Variants in LPIN1 observed in about 807,000 individuals in gnomAD.
LPIN1 encodes the protein phosphatidate phosphatase LPIN1.
Under a neutral mutation model 107.5 loss-of-function variants are expected in LPIN1, and 71 were observed. The observed-to-expected ratio is 0.66, with a 90% CI of 0.55 to 0.80. LPIN1 has a LOEUF of 0.80. Among genes scored for constraint, LPIN1 ranks in the 30% least tolerant of loss-of-function variants. The probability of loss-of-function intolerance (pLI) is 0.00; values close to 1 mark genes in which losing one functional copy is unlikely to be tolerated. For synonymous variants in LPIN1, 445 were observed against 452.6 expected, an observed-to-expected ratio of 0.98 and a Z score of 0.21; for missense variants, 1,043 against 1,160.6, an observed-to-expected ratio of 0.90 and a Z score of 1.47.
rs1228645335 is a variant in LPIN1 at position 11,784,726 on chromosome 2, GTC to G, written c.1359-156_1359-155del. The G allele has an allele frequency of 2.0e-5, 15 of 747,396 alleles. No homozygotes were observed. In the Admixed American group the frequency reaches 2.7e-4, roughly 14 times the overall value. The allele number at this position is 747,396 out of a possible 1,614,324, so 46.3% of individuals were successfully genotyped here. ...TCTCTCCTAAGCTAAGGCGTTTAATGTCTCTTTCCTTGTCGTGGTGCTTTAAT... is the reference window on the plus strand; with the variant it reads ...TCTCTCCTAAGCTAAGGCGTTTAATGTCTTTCCTTGTCGTGGTGCTTTAAT... On this transcript the variant is annotated intron_variant, in intron 9 of 20. Transcript: ENST00000674199.
chr2:11,813,794 A>C (rs1216523323), intron 17 of LPIN1, among the ~76,000 whole-genome samples: 1 of 152,004 alleles, frequency 6.6e-6, no homozygotes, highest in African/African-American at 2.4e-5. Flanking sequence ...CATGTCTGTA[A>C]TCCCAGCAAC....
chr2:11,733,123 C>A (rs1665418431), intron 1 of LPIN1, among the ~76,000 whole-genome samples: 1 of 152,074 alleles, frequency 6.6e-6, no homozygotes, highest in South Asian at 2.1e-4. Context: ...AAAATGCACC[C>A]CATGACCTGT....
At chr2:11,715,552 C>T (rs1012627129) in intron 2 of LPIN1, among the ~76,000 whole-genome samples, 4 of 152,202 alleles carry the variant, frequency 2.6e-5, no homozygotes, top group South Asian at 4.1e-4. Flanking sequence ...ATTCCACATG[C>T]GTACAGCAGG....
At chr2:11,753,352 G>A (rs1421022056) in intron 1 of LPIN1, among the ~76,000 whole-genome samples, 2 of 152,200 alleles carry the variant, frequency 1.3e-5, no homozygotes, top group Non-Finnish European at 2.9e-5. Flanking sequence ...TTTCTAGTGA[G>A]TTTTTGTATT....
chr2:11,811,065 T>C (rs1484591258), intron 17 of LPIN1, among the ~76,000 whole-genome samples: 1 of 152,164 alleles, frequency 6.6e-6, no homozygotes, highest in Non-Finnish European at 1.5e-5. Flanking sequence ...ACACCTCCTA[T>C]TCCTGGGTCC....
chr2:11,717,307 ATCT>A (rs1398294436), intron 2 of LPIN1, among the ~76,000 whole-genome samples: 1 of 152,008 alleles, frequency 6.6e-6, no homozygotes, highest in East Asian at 1.9e-4. Context: ...AATGCCAATG[ATCT>A]TCTTTCTCAT....
At position 11,824,683 on chromosome 2, in the gene LPIN1, A is replaced by C; in HGVS notation, c.2673A>C (p.Arg891Ser). The change falls in exon 21 of 21, where the codon AGA (arginine) becomes AGC (serine). Residue 891 changes from arginine to serine, a missense_variant. Arg to Ser is a moderately radical substitution (Grantham distance 110). Coordinates refer to ENST00000674199, the MANE Select transcript of LPIN1 (RefSeq NM_001349206.2). ...VVDHVFPLLK[R>S]SHSSDFPCSD... Reference sequence around the variant, plus strand: ...ACCACGTTTTCCCGTTGCTGAAAAGAAGCCATTCTTCAGACTTTCCCTGTT... The same window carrying C: ...ACCACGTTTTCCCGTTGCTGAAAAGCAGCCATTCTTCAGACTTTCCCTGTT... The C allele has an allele frequency of 6.2e-7, 1 of 1,614,112 alleles. No homozygotes were observed. Among genetic ancestry groups the C allele is most frequent in the Non-Finnish European group, 8.5e-7 (1 of 1,180,004 alleles).
At chr2:11,693,822 ATTTTTTT>A (rs34409476) in intron 1 of LPIN1, among the ~76,000 whole-genome samples, 229 of 18,674 alleles carry the variant, frequency 0.012, no homozygotes, top group African/African-American at 0.02. Flanking sequence ...ATATATATAT[ATTTTTTT>A]TTTTTTTTTT....
intron 2 of LPIN1, among the ~76,000 whole-genome samples, chr2:11,717,472 A>G (rs1296183092): frequency 5.3e-5 from 8 of 152,068 alleles, no homozygotes; most frequent in Non-Finnish European, 4.4e-5. Flanking sequence ...GTTAGAAGAA[A>G]TACCACTACC....
At chr2:11,686,203 T>C (rs1460764970) in intron 1 of LPIN1, among the ~76,000 whole-genome samples, 1 of 152,168 alleles carries the variant, frequency 6.6e-6, no homozygotes, top group Non-Finnish European at 1.5e-5. Context: ...CCTAGGTCTT[T>C]GGTGAGCTTT....
At chr2:11,693,203 AT>A (rs34503437) in intron 1 of LPIN1, among the ~76,000 whole-genome samples, 3,028 of 134,998 alleles carry the variant, frequency 0.022, 22 homozygotes, top group Middle Eastern at 0.031. Context: ...CCTGAACAAC[AT>A]TTTTTTTTTT....
Position 11,765,775 on chromosome 2 carries a change from A to G in LPIN1, c.192+42A>G. 6.4e-7 allele frequency: 1 copy of G among 1,570,594 alleles called. No individual in the cohort carries two copies. Among genetic ancestry groups the G allele is most frequent in the Non-Finnish European group, 8.7e-7 (1 of 1,146,812 alleles). On this transcript the variant is annotated intron_variant, in intron 2 of 20. Coordinates refer to ENST00000674199, the MANE Select transcript of LPIN1 (RefSeq NM_001349206.2). This position sits in a 1 kb window ranked among gnomAD's most constrained non-coding sequence, Gnocchi z 4.4. ...CGGGGACCTGGCACCGGCTCTCCTT[A>G]GAGAATGCCCTTGTACTCTGGTGAT...
chr2:11,692,291 CATACT>C (rs869177228), intron 1 of LPIN1, among the ~76,000 whole-genome samples: 1 of 151,284 alleles, frequency 6.6e-6, no homozygotes. Flanking sequence ...TGCCTTGGCA[CATACT>C]TGGCACATAC....
intron 17 of LPIN1, among the ~76,000 whole-genome samples, chr2:11,811,269 G>C (rs560865226): frequency 6.6e-6 from 1 of 152,296 alleles, no homozygotes; most frequent in African/African-American, 2.4e-5. Context: ...GGGCTGGCCT[G>C]TGTGGCATGT....
At chr2:11,805,700 C>T (rs188843436) in intron 17 of LPIN1, among the ~76,000 whole-genome samples, 6 of 152,282 alleles carry the variant, frequency 3.9e-5, no homozygotes, top group Admixed American at 2.6e-4. Context: ...AGGGGTTCTC[C>T]GACTGCTCTC....
chr2:11,686,622 G>A lies in LPIN1; in HGVS notation c.81+8894G>A, dbSNP rs535278148. ...TGGGTAGCCATGGCCTGGGCACCAC[G>A]GGCAGAGCACACACCCGCGGGAAAG... On this transcript the variant is annotated intron_variant, in intron 1 of 21. Transcript: ENST00000449576. Among the ~76,000 whole-genome samples the A allele has an allele frequency of 3.3e-5, 5 of 152,204 alleles. No homozygotes were observed. The South Asian group carries it at 1.0e-3, about 32-fold the overall frequency.
upstream of LPIN1, among the ~76,000 whole-genome samples, chr2:11,743,981 A>C (rs1460409331): frequency 3.3e-5 from 5 of 152,180 alleles, no homozygotes; most frequent in Non-Finnish European, 7.3e-5. The surrounding 1 kb of genome is among the most constrained non-coding windows in gnomAD (Gnocchi z 4.7). Flanking sequence ...TAGAATTGAA[A>C]AATCTTCCAA....
chr2:11,729,127 A>G (rs1368609457), intron 1 of LPIN1, among the ~76,000 whole-genome samples: 1 of 152,196 alleles, frequency 6.6e-6, no homozygotes, highest in African/African-American at 2.4e-5. Context: ...GGAGGGGAAC[A>G]TCATACACCA....
Position 11,776,115 on chromosome 2 carries a change from C to T in LPIN1, c.752C>T (p.Pro251Leu). 2 of 1,548,458 alleles carry T rather than the reference C, an allele frequency of 1.3e-6. No individual in the cohort carries two copies. The highest frequency in any genetic ancestry group is 8.7e-7 in the Non-Finnish European group (1 of 1,145,608). ...SSLVDCKRTA[P>L]HLAVAAEGGL... ...CTGGTAGATTGCAAAAGGACTGCCCCTCATCTTGCAGTTGCGGCCGAGGGA... is the reference window on the plus strand; with the variant it reads ...CTGGTAGATTGCAAAAGGACTGCCCTTCATCTTGCAGTTGCGGCCGAGGGA... Residue 251 changes from proline (P) to leucine (L), a missense_variant, in exon 6 of 21, where the codon CCT (proline) becomes CTT (leucine). Physicochemically the swap from Pro to Leu is moderately conservative, Grantham distance 98 (BLOSUM62 -3). Coordinates refer to ENST00000674199, the MANE Select transcript of LPIN1 (RefSeq NM_001349206.2).
Sources: gnomAD v4.1 joint callset for allele counts (sites outside exome capture counted in the v4.1 genomes callset) on GRCh38, gnomAD v4.1.1 for gene constraint, Gnocchi (gnomAD v3.1) non-coding constraint, MANE v1.5 for transcripts, NCBI Gene and HGNC (gene_info 2026-07-23, HGNC 2026-07-21) for gene names.